The following AXDND1 variants were observed in gnomAD, a reference collection of about 807,000 sequenced individuals.
AXDND1 encodes the protein axonemal dynein light chain domain-containing protein 1.
In AXDND1, 110 loss-of-function variants were observed where a neutral mutation model predicts 137.5. The observed-to-expected ratio is 0.80, with a 90% CI of 0.69 to 0.94. The LOEUF is 0.94. Ranked by LOEUF, AXDND1 falls within the 40% of genes least tolerant of loss-of-function variation. The pLI is 0.00. For missense variants in AXDND1, 1,191 were observed against 1,169.8 expected (o/e 1.02, Z -0.26); for synonymous variants, 414 against 399.7 (o/e 1.04, Z -0.43).
rs763569288 is a variant in AXDND1, at chr1:179,368,783, T to A, written c.98-17T>A. ...AAAATATATAGTAAGAGTTTTTCTT[T>A]TCCACTACTTACTTAGGACTTCCTG... is the stretch of plus-strand genomic sequence containing the variant. On this transcript the variant is annotated splice_polypyrimidine_tract_variant and intron_variant, in intron 2 of 25. Coordinates refer to ENST00000367618, the MANE Select transcript of AXDND1 (RefSeq NM_144696.6). 6.3e-7 allele frequency: 1 copy of A among 1,583,412 alleles called. No individual in the cohort carries two copies. Among genetic ancestry groups the A allele is most frequent in the Non-Finnish European group, 8.6e-7 (1 of 1,168,004 alleles).
At chr1:179,439,813 G>A (rs985917197) in intron 15 of AXDND1, among the ~76,000 whole-genome samples, 2 of 152,126 alleles carry the variant, frequency 1.3e-5, no homozygotes, top group Non-Finnish European at 2.9e-5. Flanking sequence ...CGGGCCCATG[G>A]TTGGCCACCC....
At chr1:179,438,354 AC>A (rs1446367569) in intron 15 of AXDND1, among the ~76,000 whole-genome samples, 1 of 152,058 alleles carries the variant, frequency 6.6e-6, no homozygotes, top group Non-Finnish European at 1.5e-5. Flanking sequence ...TGTTCCCCTA[AC>A]CATAGGACCG....
At chr1:179,366,321 A>G (rs1667391509) in intron 1 of AXDND1, 83 bp from the exon 2 acceptor site, 2 of 502,342 alleles carry the variant, frequency 4.0e-6, no homozygotes, top group Non-Finnish European at 7.1e-6. Flanking sequence ...TGCTAGATGA[A>G]TTCTAAACTG....
intron 21 of AXDND1, among the ~76,000 whole-genome samples, chr1:179,515,008 A>G (rs1431088240): frequency 6.6e-6 from 1 of 152,160 alleles, no homozygotes; most frequent in Admixed American, 6.6e-5. Flanking sequence ...GTTCTTATCC[A>G]TTCTGCAGTT....
intron 23 of AXDND1, among the ~76,000 whole-genome samples, chr1:179,529,105 C>T (rs1670819997): frequency 6.6e-6 from 1 of 152,164 alleles, no homozygotes; most frequent in African/African-American, 2.4e-5. Context: ...AAAATGTCTC[C>T]ACAGAAGTTT....
At chr1:179,549,670 T>C (rs941318577) in intron 25 of AXDND1, among the ~76,000 whole-genome samples, 11 of 152,208 alleles carry the variant, frequency 7.2e-5, no homozygotes, top group African/African-American at 2.6e-4. Context: ...CAAAATTTGC[T>C]ATCCTGAGAT....
chr1:179,416,432 C>T (rs1008165617), intron 12 of AXDND1, among the ~76,000 whole-genome samples: 1 of 152,142 alleles, frequency 6.6e-6, no homozygotes, highest in Admixed American at 6.5e-5. Context: ...ATGTACCCAG[C>T]AGTGGAATTA....
At chr1:179,539,013 A>G (rs1671833343) in intron 25 of AXDND1, among the ~76,000 whole-genome samples, 1 of 150,054 alleles carries the variant, frequency 6.7e-6, no homozygotes, top group African/African-American at 2.5e-5. Flanking sequence ...TGGGATTTCA[A>G]CCCCTTTTTT....
At chr1:179,439,245 A>G (rs1658639992) in intron 15 of AXDND1, among the ~76,000 whole-genome samples, 1 of 152,226 alleles carries the variant, frequency 6.6e-6, no homozygotes, top group African/African-American at 2.4e-5. Flanking sequence ...CGACTGGGCC[A>G]GGAATGGTTG....
intron 25 of AXDND1, among the ~76,000 whole-genome samples, chr1:179,540,939 C>T (rs1411447005): frequency 6.6e-6 from 1 of 152,188 alleles, no homozygotes; most frequent in Admixed American, 6.5e-5. Flanking sequence ...TAGGCTCCAC[C>T]TGGTTTGAGC....
chr1:179,366,548 T>C lies in AXDND1; in HGVS notation c.39T>C (p.Ser13=). ...LPKTPSTPLN[S]TSTSESKKLK... ...AAACGCCCTCCACCCCGCTAAACTC[T>C]ACATCAACATCTGAGAGCAAAAAGT... The change falls in exon 2 of 26, where the codon TCT becomes TCC. Residue 13 remains serine (S), a synonymous_variant. Coordinates refer to ENST00000367618, the MANE Select transcript of AXDND1 (RefSeq NM_144696.6). 6.2e-7 allele frequency: 1 copy of C among 1,613,724 alleles called. No individual in the cohort carries two copies. The highest frequency in any genetic ancestry group is 1.1e-5 in the South Asian group (1 of 91,078).
At chr1:179,401,258 C>CAAAAAAAAAAAAAAAAA (rs201354000) in intron 11 of AXDND1, among the ~76,000 whole-genome samples, 1 of 83,680 alleles carries the variant, frequency 1.2e-5, no homozygotes, top group African/African-American at 4.6e-5. Flanking sequence ...AACTCCATCT[C>CAAAAAAAAAAAAAAAAA]AAAAAAAAAA....
At chr1:179,497,596 G>C (rs1213688160) in intron 20 of AXDND1, among the ~76,000 whole-genome samples, 2 of 152,098 alleles carry the variant, frequency 1.3e-5, no homozygotes. Context: ...TTGAGAACTG[G>C]AACAAGACAA....
intron 20 of AXDND1, chr1:179,506,892 G>A (rs1668591966): frequency 2.0e-6 from 2 of 985,272 alleles, no homozygotes; most frequent in Non-Finnish European, 1.2e-6. Flanking sequence ...GAAGATGGTG[G>A]TAGTAGGAAT....
At chr1:179,535,994 G>A (rs1366905116) in intron 25 of AXDND1, among the ~76,000 whole-genome samples, 1 of 152,170 alleles carries the variant, frequency 6.6e-6, no homozygotes, top group Non-Finnish European at 1.5e-5. Flanking sequence ...CATTTTTCAT[G>A]TGTCTGTTGG....
At chr1:179,506,143 A>G (rs1369939683) in intron 20 of AXDND1, among the ~76,000 whole-genome samples, 2 of 152,108 alleles carry the variant, frequency 1.3e-5, no homozygotes, top group Admixed American at 6.5e-5. Flanking sequence ...GATAAGCTAG[A>G]TGGATTTTTT....
chr1:179,543,470 G>A lies in AXDND1; in HGVS notation c.3031+8508G>A, dbSNP rs558106862. 3.8e-4 allele frequency: 58 copies of A among 152,380 alleles called. 1 individual carries two copies. In the South Asian group the frequency reaches 0.011, roughly 28 times the overall value. 9.4% of individuals were successfully genotyped at this position (152,380 alleles called of 1,614,324 possible). A position where few individuals can be genotyped will look rare whatever the true frequency, so the allele number is the denominator to read the frequency against. ...GATTCAAATTGGGAAGCAGCGTCAC[G>A]GGGCTGTTTTTCACGTGCATGTTGG... On this transcript the variant is annotated intron_variant, in intron 25 of 25. Transcript: ENST00000367618.
At chr1:179,540,362 C>A (rs536460514) in intron 25 of AXDND1, among the ~76,000 whole-genome samples, 1 of 152,222 alleles carries the variant, frequency 6.6e-6, no homozygotes, top group African/African-American at 2.4e-5. Flanking sequence ...TGTTGGTGAC[C>A]TATGGATGGG....
At position 179,366,461 on chromosome 1, in the gene AXDND1, T is replaced by G; in HGVS notation, c.-49T>G. On this transcript the variant is annotated 5_prime_UTR_variant, in exon 2 of 26. Coordinates refer to ENST00000367618, the MANE Select transcript of AXDND1 (RefSeq NM_144696.6). The stretch of plus-strand genomic sequence containing the variant: ...CGCTGATTTGTGTCTAAATTAGCTT[T>G]CCGGAGGACTATTTCAAATTACTAA... The G allele has an allele frequency of 6.7e-7, 1 of 1,493,802 alleles. No individual in the cohort carries two copies. 92.5% of individuals were successfully genotyped at this position (1,493,802 alleles called of 1,614,324 possible). A position where few individuals can be genotyped will look rare whatever the true frequency, so the allele number is the denominator to read the frequency against.
Sources: gnomAD v4.1 joint callset for allele counts (sites outside exome capture counted in the v4.1 genomes callset) on GRCh38, gnomAD v4.1.1 for gene constraint, MANE v1.5 for transcripts, NCBI Gene and HGNC (gene_info 2026-07-23, HGNC 2026-07-21) for gene names.